The following ZFAND6 variants were observed in gnomAD, a reference collection of about 807,000 sequenced individuals.
ZFAND6 encodes the protein AN1-type zinc finger protein 6.
ZFAND6 carries 12 observed loss-of-function variants against 24.5 expected under a neutral mutation model. The ratio of observed to expected loss-of-function variants is 0.49; its 90% confidence interval spans 0.31 to 0.79. ZFAND6 has a LOEUF of 0.79. ZFAND6 is among the 30% of genes least tolerant of loss of function. ZFAND6 has a pLI of 0.04. For missense variants in ZFAND6, 207 were observed against 245.9 expected (o/e 0.84, Z 1.06); for synonymous variants, 92 against 81.5 (o/e 1.13, Z -0.69).
At chr15:80,112,961 C>T (rs987519997) in intron 2 of ZFAND6, 4 of 414,828 alleles carry the variant, frequency 9.6e-6, no homozygotes, top group African/African-American at 6.2e-5. Flanking sequence ...AGAATTCACC[C>T]ATTCTGAGCA....
chr15:80,115,818 T>G (rs1011474615), intron 2 of ZFAND6, among the ~76,000 whole-genome samples: 27 of 152,210 alleles, frequency 1.8e-4, no homozygotes, highest in Admixed American at 1.8e-3. Context: ...TTTTCAAACT[T>G]TAATCTTAAT....
intron 1 of ZFAND6, among the ~76,000 whole-genome samples, chr15:80,069,626 A>G (rs1310550447): frequency 6.8e-6 from 1 of 146,970 alleles, no homozygotes; most frequent in Middle Eastern, 3.2e-3. Context: ...ATTTTTTGTT[A>G]TTTATTTATT....
chr15:80,086,741 A>G (rs980899552), intron 1 of ZFAND6, among the ~76,000 whole-genome samples: 1 of 152,248 alleles, frequency 6.6e-6, no homozygotes, highest in African/African-American at 2.4e-5. Flanking sequence ...ACATTGTTGT[A>G]TAACTATTAC....
intron 1 of ZFAND6, among the ~76,000 whole-genome samples, chr15:80,067,780 C>CA (rs1306618045): frequency 1.3e-5 from 2 of 151,892 alleles, no homozygotes. Flanking sequence ...TTTAAATAGT[C>CA]ACATCTGACT....
At chr15:80,117,107 A>G (rs968143591) in intron 2 of ZFAND6, among the ~76,000 whole-genome samples, 1 of 152,252 alleles carries the variant, frequency 6.6e-6, no homozygotes, top group Admixed American at 6.5e-5. Flanking sequence ...AACTCTCAGA[A>G]TATTGGAGAT....
chr15:80,082,223 C>G (rs1215686873), intron 1 of ZFAND6, among the ~76,000 whole-genome samples: 2 of 152,192 alleles, frequency 1.3e-5, no homozygotes, highest in African/African-American at 4.8e-5. Flanking sequence ...GTGGTAAAAA[C>G]AGGGTTTGGA....
chr15:80,109,851 A>G (rs2039519637), intron 2 of ZFAND6, among the ~76,000 whole-genome samples: 1 of 152,368 alleles, frequency 6.6e-6, no homozygotes, highest in South Asian at 2.1e-4. Context: ...TTAAACAACA[A>G]ATATTTATTA....
At chr15:80,111,824 A>T (rs2039624030) in intron 2 of ZFAND6, among the ~76,000 whole-genome samples, 1 of 152,222 alleles carries the variant, frequency 6.6e-6, no homozygotes, top group Non-Finnish European at 1.5e-5. Context: ...AAGATCAGTC[A>T]GGTAGCTAAA....
upstream of ZFAND6, among the ~76,000 whole-genome samples, chr15:80,059,126 C>A (rs2036193015): frequency 6.6e-6 from 1 of 152,258 alleles, no homozygotes; most frequent in African/African-American, 2.4e-5. Flanking sequence ...GGGCAGAGAA[C>A]TGCTTTCCAG....
chr15:80,074,582 C>T (rs2037159454), intron 1 of ZFAND6, among the ~76,000 whole-genome samples: 1 of 151,844 alleles, frequency 6.6e-6, no homozygotes, highest in Non-Finnish European at 1.5e-5. Flanking sequence ...TAAAAATACA[C>T]TTTGGAAACA....
At position 80,070,429 on chromosome 15, in the gene ZFAND6, C is replaced by T. The variant is rs186112720; in HGVS notation, c.-181+10620C>T. 3.9e-5 allele frequency among the ~76,000 whole-genome samples: 6 copies of T among 152,316 alleles called. No individual in the cohort carries two copies. The East Asian group carries it at 1.2e-3, about 29-fold the overall frequency. On this transcript the variant is annotated intron_variant, in intron 1 of 6. Transcript: ENST00000261749. ...TTGTTTTCATATTATCTCGGTTATACATTTTATGGTTGTGACATTGCTTTC... is the reference window on the plus strand; with the variant it reads ...TTGTTTTCATATTATCTCGGTTATATATTTTATGGTTGTGACATTGCTTTC...
chr15:80,081,491 G>C (rs1001882958), intron 1 of ZFAND6, among the ~76,000 whole-genome samples: 1 of 152,172 alleles, frequency 6.6e-6, no homozygotes, highest in Non-Finnish European at 1.5e-5. Context: ...GCAGAGTACC[G>C]TATTGTCAAA....
chr15:80,092,897 A>G (rs1478484192), intron 1 of ZFAND6, among the ~76,000 whole-genome samples: 1 of 152,146 alleles, frequency 6.6e-6, no homozygotes. Context: ...TTTGGTCTCA[A>G]AATACCCAAT....
At chr15:80,073,652 C>T (rs2037103841) in intron 1 of ZFAND6, among the ~76,000 whole-genome samples, 1 of 151,862 alleles carries the variant, frequency 6.6e-6, no homozygotes, top group Admixed American at 6.6e-5. Context: ...GAAAAGTTAC[C>T]TATCTACCCA....
intron 1 of ZFAND6, among the ~76,000 whole-genome samples, chr15:80,092,326 GAAAAA>G (rs373513444): frequency 2.9e-5 from 3 of 103,608 alleles, no homozygotes; most frequent in Non-Finnish European, 2.0e-5. Context: ...ATCTCTACAG[GAAAAA>G]AAAAAAAAAA....
In ZFAND6 at chr15:80,138,140, T is replaced by G. The variant is rs939752608; in HGVS notation, c.*512T>G. 1 of 152,766 alleles carries G rather than the reference T, an allele frequency of 6.5e-6. No individual in the cohort carries two copies. Among genetic ancestry groups the G allele is most frequent in the African/African-American group, 2.4e-5 (1 of 41,474 alleles). The allele number at this position is 152,766 out of a possible 1,614,324, so 9.5% of individuals were successfully genotyped here. A position where few individuals can be genotyped will look rare whatever the true frequency, so the allele number is the denominator to read the frequency against. ...TAGCATATAGTTTCTTTGCACCCAC[T>G]ATTTATGTCTGAATCATTTGTCACA... On this transcript the variant is annotated 3_prime_UTR_variant, in exon 7 of 7. Coordinates refer to ENST00000261749, the MANE Select transcript of ZFAND6 (RefSeq NM_019006.4).
intron 1 of ZFAND6, among the ~76,000 whole-genome samples, chr15:80,078,824 C>A (rs1596207808): frequency 1.3e-5 from 2 of 151,290 alleles, no homozygotes; most frequent in East Asian, 3.9e-4. Context: ...TAATGTTGAG[C>A]ATTTTTTCAT....
intron 1 of ZFAND6, among the ~76,000 whole-genome samples, chr15:80,095,975 G>A (rs1251404782): frequency 4.6e-5 from 7 of 152,172 alleles, no homozygotes; most frequent in Non-Finnish European, 8.8e-5. Context: ...ACTAATTCCA[G>A]ATACAGTTTG....
At chr15:80,091,303 G>C (rs2038356289) in intron 1 of ZFAND6, among the ~76,000 whole-genome samples, 1 of 152,030 alleles carries the variant, frequency 6.6e-6, no homozygotes. Flanking sequence ...TGAGAAGACT[G>C]AGTACCACAA....
Sources: allele counts gnomAD v4.1 joint callset (sites outside exome capture counted in the v4.1 genomes callset), GRCh38; gene constraint gnomAD v4.1.1; transcripts MANE v1.5; gene names NCBI Gene and HGNC (gene_info 2026-07-23, HGNC 2026-07-21).